Variants in MYH8 observed in about 807,000 individuals in gnomAD.
MYH8 encodes the protein myosin heavy chain 8.
A neutral mutation model predicts 233.2 loss-of-function variants in MYH8; 168 were observed. The ratio of observed to expected loss-of-function variants is 0.72; its 90% CI spans 0.64 to 0.82. MYH8 has a LOEUF of 0.82. MYH8 is among the 40% of genes least tolerant of loss of function. The pLI is 0.00. For missense variants in MYH8, 1,995 were observed against 2,327.8 expected (o/e 0.86, Z 2.94); for synonymous variants, 785 against 850.6 (o/e 0.92, Z 1.34).
chr17:10,418,600 G>T (rs1567690598), intron 5 of MYH8, 45 bp downstream of exon 5: 12 of 1,612,630 alleles, frequency 7.4e-6, no homozygotes, highest in Non-Finnish European at 1.0e-5. Flanking sequence ...GTTCTGCAAA[G>T]ATTCTATTTA....
chr17:10,406,306 C>A lies in MYH8; in HGVS notation c.2263G>T (p.Asp755Tyr). The A allele has an allele frequency of 3.7e-6, 6 of 1,613,858 alleles. No individual in the cohort carries two copies. The highest frequency in any genetic ancestry group is 5.1e-6 in the Non-Finnish European group (6 of 1,179,854). Residue 755 changes from aspartate to tyrosine, a missense_variant, in exon 20 of 40, where the codon GAT becomes TAT. Asp to Tyr is a radical substitution (Grantham distance 160). Around this residue, in one of 3 missense-constraint regions of MYH8, gnomAD observed 1,498 missense variants for 1,680.9 expected, o/e 0.89. Transcript: ENST00000403437. The part of the protein sequence containing the change: ...SEKLLASIDI[D>Y]HTQYKFGHTK... The stretch of plus-strand genomic sequence containing the variant: ...TGTCCAAATTTATATTGAGTATGAT[C>A]AATATCAATAGATGCAAGAAGTTTC...
At chr17:10,413,793 T>C in intron 12 of MYH8, 109 bp downstream of exon 12, 7 of 1,481,760 alleles carry the variant, frequency 4.7e-6, no homozygotes, top group Admixed American at 1.7e-5. Flanking sequence ...AATGTGTATA[T>C]GCCCTTCACA....
At chr17:10,418,140 G>A (rs1474681242) in intron 5 of MYH8, among the ~76,000 whole-genome samples, 1 of 152,120 alleles carries the variant, frequency 6.6e-6, no homozygotes. Flanking sequence ...CAAATCTTTG[G>A]GAGGAAAATC....
rs566037329 is a variant in MYH8, at chr17:10,400,125, C to T, written c.3735+265G>A. On this transcript the variant is annotated intron_variant, in intron 27 of 39. Transcript: ENST00000403437. The surrounding 1 kb of genome is among the most constrained non-coding windows in gnomAD (Gnocchi z 4.0). ...GGCTGAGGCAGGAGAGTGGCGTGAACCCGGGAGGCGGAGCTTGCAGTGAGC... is the reference window on the plus strand; with the variant it reads ...GGCTGAGGCAGGAGAGTGGCGTGAATCCGGGAGGCGGAGCTTGCAGTGAGC... Among the ~76,000 whole-genome samples, 1 of 152,098 alleles carries T rather than the reference C, an allele frequency of 6.6e-6. No homozygotes were observed. Among genetic ancestry groups the T allele is most frequent in the Non-Finnish European group, 1.5e-5 (1 of 67,996 alleles).
At chr17:10,406,856 T>C (rs1440248835) in intron 18 of MYH8, 36 bp downstream of exon 18, 3 of 1,611,324 alleles carry the variant, frequency 1.9e-6, no homozygotes, top group African/African-American at 2.7e-5. Context: ...CTTTCAAACC[T>C]GTGCCCGTTT....
In MYH8 at chr17:10,400,505, C is replaced by T; in HGVS notation, c.3620G>A (p.Gly1207Glu). Residue 1207 changes from glycine to glutamate, a missense_variant, in exon 27 of 40, where the codon GGG becomes GAG. Transcript: ENST00000403437. This position sits in a 1 kb window ranked among gnomAD's most constrained non-coding sequence, Gnocchi z 4.0. ...CCGCTGCAAGTTGTCAATCTGCTCCCCAAGCTCAGCCATACTGTCTGCGTG... is the reference window on the plus strand; with the variant it reads ...CCGCTGCAAGTTGTCAATCTGCTCCTCAAGCTCAGCCATACTGTCTGCGTG... Reference protein sequence around the residue: ...KKHADSMAELGEQIDNLQRVK... With the variant: ...KKHADSMAELEEQIDNLQRVK... 1 of 1,614,174 alleles carries T rather than the reference C, an allele frequency of 6.2e-7. No individual in the cohort carries two copies. Among genetic ancestry groups the T allele is most frequent in the African/African-American group, 1.3e-5 (1 of 75,044 alleles).
In MYH8 at chr17:10,419,902, C is replaced by A. The variant is rs2072321171; in HGVS notation, c.210+116G>T. 1.0e-5 allele frequency: 12 copies of A among 1,146,506 alleles called. No homozygotes were observed. In the South Asian group the frequency reaches 1.5e-4, roughly 14 times the overall value. The allele number at this position is 1,146,506 out of a possible 1,614,324, so 71.0% of individuals were successfully genotyped here. On this transcript the variant is annotated intron_variant, in intron 3 of 39. Transcript: ENST00000403437. This position sits in a 1 kb window ranked among gnomAD's most constrained non-coding sequence, Gnocchi z 4.0. ...TTGCCTTCCACATCTAATGTCTCAA[C>A]ACTGACTAGAAGGGTGTTTGCATTG...
chr17:10,407,624 A>G (rs1179157904), intron 17 of MYH8, among the ~76,000 whole-genome samples: 8 of 152,058 alleles, frequency 5.3e-5, no homozygotes, highest in African/African-American at 1.9e-4. Context: ...GCGGATCATG[A>G]GGTCAGGAGT....
Position 10,410,947 on chromosome 17 carries a change from A to G in MYH8, c.1417T>C (p.Phe473Leu). Reference sequence around the variant, plus strand: ...ATGCACAGCTGCTCCAGGCTGTTAAACTACACAAAATAATAGAGATTTCCA... The same window carrying G: ...ATGCACAGCTGCTCCAGGCTGTTAAGCTACACAAAATAATAGAGATTTCCA... ...LDIAGFEIFDFNSLEQLCINF... is the reference protein window; with the variant it reads ...LDIAGFEIFDLNSLEQLCINF... Residue 473 changes from phenylalanine (F) to leucine (L), a missense_variant and splice_region_variant, in exon 15 of 40, where the codon TTT becomes CTT. Transcript: ENST00000403437. 1 of 1,614,120 alleles carries G rather than the reference A, an allele frequency of 6.2e-7. No homozygotes were observed. The highest frequency in any genetic ancestry group is 1.3e-5 in the African/African-American group (1 of 75,040).
intron 21 of MYH8, 69 bp downstream of exon 21, chr17:10,405,972 A>G: frequency 6.4e-7 from 1 of 1,570,288 alleles, no homozygotes; most frequent in Non-Finnish European, 8.7e-7. Flanking sequence ...GAAAGAATTA[A>G]TGAATGAACA....
At position 10,406,949 on chromosome 17, in the gene MYH8, T is replaced by C; in HGVS notation, c.1996A>G (p.Arg666Gly). The change falls in exon 18 of 40, where the codon AGG (arginine) becomes GGG (glycine). Residue 666 changes from arginine to glycine, a missense_variant. This residue lies in a region of MYH8 where 1,498 missense variants were observed against 1,680.9 expected (regional missense o/e 0.89). Coordinates refer to ENST00000403437, the MANE Select transcript of MYH8 (RefSeq NM_002472.3). ...CGTACGAAGTGAGGGTGTGTGCTCC[T>C]CAGATTCGTCATCAATTTATTTAAA... ...ENLNKLMTNL[R>G]STHPHFVRCI... 1 of 1,614,072 alleles carries C rather than the reference T, an allele frequency of 6.2e-7. No individual in the cohort carries two copies. The highest frequency in any genetic ancestry group is 8.5e-7 in the Non-Finnish European group (1 of 1,179,928).
In MYH8 at chr17:10,415,590, A is replaced by G. The variant is rs2072283154; in HGVS notation, c.540-10T>C. ...GGCACCAGATTCTCCGCTGTCAAAC[A>G]GAAATCAGAGAAGAGATCAGAGAAC... On this transcript the variant is annotated splice_polypyrimidine_tract_variant and intron_variant, in intron 6 of 39. Transcript: ENST00000403437. This position sits in a 1 kb window ranked among gnomAD's most constrained non-coding sequence, Gnocchi z 4.1. The G allele has an allele frequency of 1.2e-5, 19 of 1,614,124 alleles. No homozygotes were observed. Among genetic ancestry groups the G allele is most frequent in the Non-Finnish European group, 1.6e-5 (19 of 1,179,938 alleles).
In MYH8 at chr17:10,414,201, C is replaced by T; in HGVS notation, c.999G>A (p.Met333Ile). The T allele has an allele frequency of 3.7e-6, 6 of 1,613,922 alleles. No individual in the cohort carries two copies. The highest frequency in any genetic ancestry group is 5.1e-6 in the Non-Finnish European group (6 of 1,179,822). Residue 333 changes from methionine (M) to isoleucine (I), a missense_variant, in exon 11 of 40, where the codon ATG becomes ATA. Physicochemically the swap from Met to Ile is conservative, Grantham distance 10 (BLOSUM62 1). Around this residue, in one of 3 missense-constraint regions of MYH8, gnomAD observed 479 missense variants for 600.9 expected, o/e 0.80. Coordinates refer to ENST00000403437, the MANE Select transcript of MYH8 (RefSeq NM_002472.3). ...AGTGTTTTTGACTTACATCAGTGGC[C>T]ATCAACTCTTCTTGGTCATCAATAC... ...VPSIDDQEELMATDSAIDILG... is the reference protein window; with the variant it reads ...VPSIDDQEELIATDSAIDILG...
chr17:10,397,048 T>C, intron 30 of MYH8, 62 bp from the exon 31 acceptor site: 1 of 1,550,600 alleles, frequency 6.4e-7, no homozygotes, highest in Non-Finnish European at 8.9e-7. Flanking sequence ...GATAACCTCC[T>C]TGGTCCCTTT....
chr17:10,420,019 G>A lies in MYH8; in HGVS notation c.209C>T (p.Ala70Val). 2 of 1,613,806 alleles carry A rather than the reference G, an allele frequency of 1.2e-6. No individual in the cohort carries two copies. Among genetic ancestry groups the A allele is most frequent in the East Asian group, 2.2e-5 (1 of 44,894 alleles). Reference protein sequence around the residue: ...GKVTVKTEGGATLTVREDQVF... With the variant: ...GKVTVKTEGGVTLTVREDQVF... ...TATTTTCTCCCTGTTTTCACTTACT[G>A]CTCCACCTTCAGTCTTTACGGTTAC... Residue 70 changes from alanine (A) to valine (V), a missense_variant and splice_region_variant, in exon 3 of 40, where the codon GCA becomes GTA. By Grantham distance (64) the Ala-to-Val change is moderately conservative. Coordinates refer to ENST00000403437, the MANE Select transcript of MYH8 (RefSeq NM_002472.3).
rs770542655 is a variant in MYH8, at chr17:10,396,371, G to C, written c.4612C>G (p.Gln1538Glu). The C allele has an allele frequency of 4.3e-6, 7 of 1,613,896 alleles. No homozygotes were observed. In the South Asian group the frequency reaches 5.5e-5, roughly 13 times the overall value. The change falls in exon 33 of 40, where the codon CAA becomes GAA. Residue 1538 changes from glutamine (Q) to glutamate (E), a missense_variant. Gln to Glu is a conservative substitution (Grantham distance 29). Transcript: ENST00000403437. This position sits in a 1 kb window ranked among gnomAD's most constrained non-coding sequence, Gnocchi z 4.2. ...ELEKIKKQVE[Q>E]EKCEIQAALE... ...GCAGCCTGAATTTCACATTTCTCTTGTTCTACTTGCTTCTTTATTTTCTCC... is the reference window on the plus strand; with the variant it reads ...GCAGCCTGAATTTCACATTTCTCTTCTTCTACTTGCTTCTTTATTTTCTCC...
rs563278731 is a variant in MYH8 at position 10,401,297 on chromosome 17, T to G, written c.3086A>C (p.Lys1029Thr). 8 of 1,614,208 alleles carry G rather than the reference T, an allele frequency of 5.0e-6. No homozygotes were observed. In the Admixed American group the frequency reaches 1.2e-4, roughly 24 times the overall value. ...TACATCATCCACTTGCTGTTCTAGCTTGGTTTTAGCTTTGGTCAGGATGTT... is the reference window on the plus strand; with the variant it reads ...TACATCATCCACTTGCTGTTCTAGCGTGGTTTTAGCTTTGGTCAGGATGTT... ...KVNILTKAKT[K>T]LEQQVDDLEG... The change falls in exon 24 of 40, where the codon AAG becomes ACG. Residue 1029 changes from lysine to threonine, a missense_variant. By Grantham distance (78) the Lys-to-Thr change is moderately conservative. Transcript: ENST00000403437.
Position 10,419,350 on chromosome 17 carries a change from G to T in MYH8, c.211-320C>A, listed in dbSNP as rs1296373666. Among the ~76,000 whole-genome samples the T allele has an allele frequency of 6.6e-6, 1 of 152,176 alleles. No individual in the cohort carries two copies. Among genetic ancestry groups the T allele is most frequent in the Non-Finnish European group, 1.5e-5 (1 of 68,030 alleles). The stretch of plus-strand genomic sequence containing the variant: ...TGGGATTACAGGCGTGAGCCACTGC[G>T]CCTGGCTAAGACCAGTTCGTTTTAA... On this transcript the variant is annotated intron_variant, in intron 3 of 39. Coordinates refer to ENST00000403437, the MANE Select transcript of MYH8 (RefSeq NM_002472.3). This position sits in a 1 kb window ranked among gnomAD's most constrained non-coding sequence, Gnocchi z 4.0.
Position 10,404,640 on chromosome 17 carries a change from G to A in MYH8, c.2433-55C>T, listed in dbSNP as rs963408489. On this transcript the variant is annotated intron_variant, in intron 21 of 39. Transcript: ENST00000403437. ...CTAATCCATCAGAGCCAATGTTATT[G>A]TTACTTATCACACACAAATTTCCCT... 4 of 1,604,502 alleles carry A rather than the reference G, an allele frequency of 2.5e-6. No individual in the cohort carries two copies. In the African/African-American group the frequency reaches 5.4e-5, roughly 21 times the overall value.
Sources: gnomAD v4.1 joint callset for allele counts (sites outside exome capture counted in the v4.1 genomes callset) on GRCh38, gnomAD v4.1.1 for gene constraint, gnomAD v4.1.1 regional missense constraint, Gnocchi (gnomAD v3.1) non-coding constraint, MANE v1.5 for transcripts, NCBI Gene and HGNC (gene_info 2026-07-23, HGNC 2026-07-21) for gene names.